Variants in GUSB observed in about 807,000 individuals in gnomAD.
GUSB encodes the protein glucuronidase beta.
GUSB carries 51 observed loss-of-function variants against 74.6 expected under a neutral mutation model. The ratio of observed to expected loss-of-function variants is 0.68; its 90% CI spans 0.55 to 0.86. GUSB has a LOEUF of 0.86. GUSB is among the 40% of genes least tolerant of loss of function. The pLI is 0.00. For synonymous variants in GUSB, 360 were observed against 348.3 expected (o/e 1.03, Z -0.37); for missense variants, 736 against 853.7 (o/e 0.86, Z 1.72).
chr7:65,964,329 C>T lies in GUSB; in HGVS notation c.1783G>A (p.Glu595Lys). ...GAGCCAAACTGCCACTTACACTGTT[C>T]AGTCATGAAATCGGCAAAATTCCAA... ...LIWNFADFMT[E>K]QSPTRVLGNK... Residue 595 changes from glutamate (E) to lysine (K), a missense_variant, in exon 11 of 12, where the codon GAA becomes AAA. Physicochemically the swap from Glu to Lys is moderately conservative, Grantham distance 56 (BLOSUM62 1). Around this residue, in one of 2 missense-constraint regions of GUSB, gnomAD observed 368 missense variants for 489.9 expected, o/e 0.75. Transcript: ENST00000304895. 8 of 1,611,786 alleles carry T rather than the reference C, an allele frequency of 5.0e-6. No homozygotes were observed. Among genetic ancestry groups the T allele is most frequent in the Non-Finnish European group, 6.8e-6 (8 of 1,179,640 alleles).
At chr7:65,974,738 C>T (rs1019940421) in intron 6 of GUSB, 34 bp from the exon 7 acceptor site, 1 of 1,609,032 alleles carries the variant, frequency 6.2e-7, no homozygotes, top group African/African-American at 1.3e-5. Flanking sequence ...ACCCCTGTCC[C>T]TGTCGAAGCT....
chr7:65,975,977 A>C (rs1244648153), intron 5 of GUSB, 38 bp downstream of exon 5: 1 of 1,584,410 alleles, frequency 6.3e-7, no homozygotes, highest in Admixed American at 1.7e-5. Context: ...ACATGGGGGC[A>C]AAAGACCTCC....
At position 65,981,965 on chromosome 7, in the gene GUSB, A is replaced by G; in HGVS notation, c.210+9T>C. 6.2e-7 allele frequency: 1 copy of G among 1,603,180 alleles called. No individual in the cohort carries two copies. The highest frequency in any genetic ancestry group is 8.5e-7 in the Non-Finnish European group (1 of 1,177,326). ...TCGGGCGCCTCCCGGCCCTGCCCCG[A>G]GATCGCACCTCCCACAGCGGCCGCC... On this transcript the variant is annotated intron_variant, in intron 1 of 11. Coordinates refer to ENST00000304895, the MANE Select transcript of GUSB (RefSeq NM_000181.4).
intron 11 of GUSB, among the ~76,000 whole-genome samples, chr7:65,963,915 C>T (rs528506120): frequency 3.3e-5 from 5 of 152,298 alleles, no homozygotes; most frequent in East Asian, 1.9e-4. Context: ...GCCTGCTTTT[C>T]GCAAGTAATA....
In GUSB at chr7:65,981,997, A is replaced by G. The variant is rs1792062389; in HGVS notation, c.187T>C (p.Trp63Arg). 1 of 1,608,794 alleles carries G rather than the reference A, an allele frequency of 6.2e-7. No individual in the cohort carries two copies. ...ACCTCCCACAGCGGCCGCCGGTACC[A>G]CTGCTCCTCGAAGCCCCGGCGTCGG... ...DNRRRGFEEQ[W>R]YRRPLWESGP... Residue 63 changes from tryptophan to arginine, a missense_variant, in exon 1 of 12, where the codon TGG (tryptophan) becomes CGG (arginine). This residue lies in a region of GUSB where 368 missense variants were observed against 363.8 expected (regional missense o/e 1.01). Coordinates refer to ENST00000304895, the MANE Select transcript of GUSB (RefSeq NM_000181.4).
rs200941434 is a variant in GUSB at position 65,976,161 on chromosome 7, A to G, written c.766T>C (p.Phe256Leu). 1.4e-5 allele frequency: 23 copies of G among 1,613,702 alleles called. No individual in the cohort carries two copies. In the East Asian group the frequency reaches 5.1e-4, roughly 36 times the overall value. ...YQISVKGSNLFKLEVRLLDAE... is the reference protein window; with the variant it reads ...YQISVKGSNLLKLEVRLLDAE... The stretch of plus-strand genomic sequence containing the variant: ...TCCAAAAGACGCACTTCCAACTTGA[A>G]CAGGTTACTGCCCTTGACAGAGATC... Residue 256 changes from phenylalanine (F) to leucine (L), a missense_variant, in exon 5 of 12, where the codon TTC becomes CTC. Phe to Leu is a conservative substitution (Grantham distance 22). This residue lies in a region of GUSB where 368 missense variants were observed against 363.8 expected (regional missense o/e 1.01). Transcript: ENST00000304895.
intron 10 of GUSB, 81 bp from the exon 11 acceptor site, chr7:65,964,539 T>C: frequency 7.5e-7 from 1 of 1,333,176 alleles, no homozygotes; most frequent in Non-Finnish European, 1.1e-6. Flanking sequence ...ATCCACTTGA[T>C]GGTGACCAAA....
Position 65,979,819 on chromosome 7 carries a change from G to C in GUSB, c.489C>G (p.Pro163=), listed in dbSNP as rs1791867168. Residue 163 remains proline, a synonymous_variant, in exon 3 of 12, where the codon CCC becomes CCG. Coordinates refer to ENST00000304895, the MANE Select transcript of GUSB (RefSeq NM_000181.4). ...TGGCGATAGTGATTCGGAGCCGGGA[G>C]GGCAGGGGCCCCACCTGGACCAGGT... ...ISNLVQVGPL[P]SRLRITIAIN... The C allele has an allele frequency of 6.2e-7, 1 of 1,613,686 alleles. No homozygotes were observed. Among genetic ancestry groups the C allele is most frequent in the Admixed American group, 1.7e-5 (1 of 60,000 alleles).
At chr7:65,961,330 CATT>C (rs1790484461) in intron 11 of GUSB, among the ~76,000 whole-genome samples, 1 of 151,982 alleles carries the variant, frequency 6.6e-6, no homozygotes, top group South Asian at 2.1e-4. Context: ...GACAAGGTCT[CATT>C]ATGTTGTCCA....
At chr7:65,979,255 C>T in intron 4 of GUSB, 144 bp downstream of exon 4, 1 of 906,832 alleles carries the variant, frequency 1.1e-6, no homozygotes, top group Non-Finnish European at 1.8e-6. Context: ...CTCACACAGG[C>T]TGAATTTTAG....
At position 65,979,726 on chromosome 7, in the gene GUSB, C is replaced by T. The variant is rs773510214; in HGVS notation, c.581+1G>A. The T allele has an allele frequency of 6.2e-7, 1 of 1,613,476 alleles. No homozygotes were observed. Among genetic ancestry groups the T allele is most frequent in the Admixed American group, 1.7e-5 (1 of 60,008 alleles). On this transcript the variant is annotated splice_donor_variant, in intron 3 of 11. Transcript: ENST00000304895. LOFTEE classifies it high-confidence loss of function. ...TGCAATGGAGGCAGGATGGTACCCA[C>T]TTGGAGGTGTCAGTCAGGTATTGGA... is the stretch of plus-strand genomic sequence containing the variant.
chr7:65,977,716 G>A (rs1408021720), intron 4 of GUSB, among the ~76,000 whole-genome samples: 2 of 151,298 alleles, frequency 1.3e-5, no homozygotes, highest in Non-Finnish European at 2.9e-5. Context: ...TAGAACCGCG[G>A]CCCCACAACG....
chr7:65,975,299 C>A, intron 5 of GUSB: 2 of 558,908 alleles, frequency 3.6e-6, no homozygotes, highest in Non-Finnish European at 6.4e-6. Context: ...GGAGTTCCCA[C>A]ACTTTGGGAG....
Position 65,966,383 on chromosome 7 carries a change from G to C in GUSB, c.1653+1348C>G, listed in dbSNP as rs10246998. Among the ~76,000 whole-genome samples the C allele has an allele frequency of 1.1e-3, 173 of 152,176 alleles. 2 individuals are homozygous for C. The highest frequency in any genetic ancestry group is 3.9e-3 in the African/African-American group (160 of 41,532). ...AGCTGTGACAAACAAGTGTGAGCTG[G>C]CTGGGGTGGGAATGAGGGGCTGGAT... On this transcript the variant is annotated intron_variant, in intron 10 of 11. Transcript: ENST00000304895.
Position 65,974,223 on chromosome 7 carries a change from A to G in GUSB, c.1391+72T>C, listed in dbSNP as rs1305243764. On this transcript the variant is annotated intron_variant, in intron 8 of 11. Coordinates refer to ENST00000304895, the MANE Select transcript of GUSB (RefSeq NM_000181.4). The stretch of plus-strand genomic sequence containing the variant: ...ACACGAGGCCGATCTTGAACAGCAC[A>G]TGCCCACCGAGGCCAGCCACCTGCC... The G allele has an allele frequency of 4.8e-6, 7 of 1,470,220 alleles. No individual in the cohort carries two copies. In the Admixed American group the frequency reaches 6.7e-5, roughly 14 times the overall value. 91.1% of individuals were successfully genotyped at this position (1,470,220 alleles called of 1,614,324 possible). A position where few individuals can be genotyped will look rare whatever the true frequency, so the allele number is the denominator to read the frequency against.
Position 65,961,047 on chromosome 7 carries a change from C to T in GUSB, c.1806G>A (p.Leu602=), listed in dbSNP as rs1339384407. The change falls in exon 12 of 12, where the codon CTG becomes CTA. Residue 602 remains leucine (L), a synonymous_variant. Coordinates refer to ENST00000304895, the MANE Select transcript of GUSB (RefSeq NM_000181.4). The stretch of plus-strand genomic sequence containing the variant: ...GAGTGAAGATCCCCTTTTTATTCCC[C>T]AGCACTCTCGTCGGTGCTACAAAAA... ...FMTEQSPTRV[L]GNKKGIFTRQ... The T allele has an allele frequency of 6.2e-7, 1 of 1,612,584 alleles. No homozygotes were observed. Among genetic ancestry groups the T allele is most frequent in the Non-Finnish European group, 8.5e-7 (1 of 1,179,782 alleles).
At chr7:65,976,964 C>T (rs985523498) in intron 4 of GUSB, among the ~76,000 whole-genome samples, 11 of 151,862 alleles carry the variant, frequency 7.2e-5, no homozygotes, top group Admixed American at 5.9e-4. Flanking sequence ...CACTGAGACA[C>T]GTGACGTGTG....
chr7:65,961,744 C>T (rs771024361), intron 11 of GUSB, among the ~76,000 whole-genome samples: 1 of 152,190 alleles, frequency 6.6e-6, no homozygotes, highest in Non-Finnish European at 1.5e-5. Flanking sequence ...TGGCTCATGC[C>T]TGTAATCCCA....
chr7:65,980,796 G>T (rs1791959121), intron 1 of GUSB: 1 of 338,634 alleles, frequency 3.0e-6, no homozygotes, highest in South Asian at 2.6e-5. Flanking sequence ...GGTGCACACT[G>T]GCACCCAGCC....
Sources: allele counts gnomAD v4.1 joint callset (sites outside exome capture counted in the v4.1 genomes callset), GRCh38; gene constraint gnomAD v4.1.1; regional missense constraint gnomAD v4.1.1; transcripts MANE v1.5; gene names NCBI Gene and HGNC (gene_info 2026-07-23, HGNC 2026-07-21).